Variants in DAB1 observed in about 807,000 individuals in gnomAD.
DAB1 encodes DAB adaptor protein 1, also known as disabled homolog 1.
DAB1 carries 15 observed loss-of-function variants against 64.6 expected under a neutral mutation model. The observed-to-expected ratio is 0.23, with a 90% CI of 0.16 to 0.36. The LOEUF (loss-of-function observed/expected upper bound fraction) is 0.36, where lower values mean the gene tolerates loss of function less well. Among genes scored for constraint, DAB1 ranks in the 10% least tolerant of loss-of-function variants. The pLI is 1.00. For missense variants in DAB1, 596 were observed against 706.7 expected (o/e 0.84, Z 1.78); for synonymous variants, 235 against 251.9 (o/e 0.93, Z 0.64).
chr1:57,604,543 T>C (rs1645613717), intron 7 of DAB1, among the ~76,000 whole-genome samples: 1 of 152,198 alleles, frequency 6.6e-6, no homozygotes. Flanking sequence ...TTGTAGCAGA[T>C]ACTTCTCCGA....
chr1:58,345,270 CT>C (rs1343394932), intron 3 of DAB1, among the ~76,000 whole-genome samples: 1 of 152,182 alleles, frequency 6.6e-6, no homozygotes, highest in Non-Finnish European at 1.5e-5. Flanking sequence ...TCAAAATCAA[CT>C]GCAAGCTCAT....
At chr1:57,132,443 A>G (rs1187071081) in intron 4 of DAB1, among the ~76,000 whole-genome samples, 3 of 152,148 alleles carry the variant, frequency 2.0e-5, no homozygotes, top group African/African-American at 4.8e-5. Flanking sequence ...AGGGCTGCAC[A>G]TGGCATAGAG....
intron 7 of DAB1, among the ~76,000 whole-genome samples, chr1:57,536,810 T>A (rs1353376889): frequency 6.6e-6 from 1 of 151,460 alleles, no homozygotes; most frequent in African/African-American, 2.4e-5. Flanking sequence ...GCCTATTACA[T>A]TGTTCTATCC....
At chr1:57,793,231 G>A (rs1278299875) in intron 6 of DAB1, among the ~76,000 whole-genome samples, 1 of 152,184 alleles carries the variant, frequency 6.6e-6, no homozygotes, top group Non-Finnish European at 1.5e-5. Context: ...CCTAGTTGGG[G>A]AATCCTGGAA....
intron 4 of DAB1, among the ~76,000 whole-genome samples, chr1:58,157,337 A>C (rs564667103): frequency 4.9e-4 from 74 of 152,220 alleles, no homozygotes; most frequent in South Asian, 4.4e-3. Flanking sequence ...GTGCCTTCCT[A>C]AGCGGCTGCC....
chr1:57,275,835 C>T (rs771737398), intron 2 of DAB1, among the ~76,000 whole-genome samples: 11 of 152,178 alleles, frequency 7.2e-5, no homozygotes, highest in Non-Finnish European at 1.5e-4. Flanking sequence ...CCGCAAAACA[C>T]AGAAGATAAA....
chr1:57,810,071 GT>G (rs1399244386), intron 6 of DAB1, among the ~76,000 whole-genome samples: 2 of 152,178 alleles, frequency 1.3e-5, no homozygotes, highest in African/African-American at 2.4e-5. Context: ...TTCCAACTCA[GT>G]TGCCACTGCC....
At chr1:58,384,081 T>C (rs1322443292) in intron 3 of DAB1, among the ~76,000 whole-genome samples, 1 of 152,080 alleles carries the variant, frequency 6.6e-6, no homozygotes, top group Non-Finnish European at 1.5e-5. Flanking sequence ...TAGTAGCCAT[T>C]GAAACTGATG....
chr1:58,028,313 C>T lies in DAB1; in HGVS notation n.387+122198G>A, dbSNP rs1030984657. Among the ~76,000 whole-genome samples the T allele has an allele frequency of 2.6e-5, 4 of 152,208 alleles. No individual in the cohort carries two copies. The South Asian group carries it at 6.2e-4, about 24-fold the overall frequency. On this transcript the variant is annotated intron_variant and non_coding_transcript_variant, in intron 5 of 20. Transcript: ENST00000485760. ...TGTTTTATGTGTTTCTGTTTAAAGA[C>T]ATCTTACTTCATATATTTTGTTGAT...
intron 2 of DAB1, among the ~76,000 whole-genome samples, chr1:57,210,051 A>G (rs1471191996): frequency 6.6e-6 from 1 of 152,250 alleles, no homozygotes; most frequent in Non-Finnish European, 1.5e-5. Flanking sequence ...CCTCATTAAT[A>G]AAATTGAGAT....
At chr1:57,620,014 C>T (rs529325583) in intron 7 of DAB1, among the ~76,000 whole-genome samples, 16 of 152,128 alleles carry the variant, frequency 1.1e-4, no homozygotes, top group Non-Finnish European at 2.4e-4. Context: ...TTTGACACAT[C>T]CCAGAATCCT....
chr1:57,443,214 C>T (rs1468853904), intron 7 of DAB1, among the ~76,000 whole-genome samples: 1 of 152,168 alleles, frequency 6.6e-6, no homozygotes, highest in Non-Finnish European at 1.5e-5. Context: ...TTTAGGGATA[C>T]ATGACTCTGT....
intron 10 of DAB1, 65 bp from the exon 11 acceptor site, chr1:57,023,704 T>C (rs548595294): frequency 5.7e-6 from 6 of 1,061,724 alleles, no homozygotes; most frequent in African/African-American, 4.7e-5. Context: ...GGCTGGGAGG[T>C]AGCAGATGCA....
intron 3 of DAB1, among the ~76,000 whole-genome samples, chr1:58,352,485 C>G (rs1644067260): frequency 6.6e-6 from 1 of 152,122 alleles, no homozygotes; most frequent in African/African-American, 2.4e-5. Context: ...GAGAAAGGGA[C>G]CACCATTTAG....
intron 7 of DAB1, among the ~76,000 whole-genome samples, chr1:57,610,780 C>T (rs1186191572): frequency 6.6e-6 from 1 of 152,162 alleles, no homozygotes; most frequent in Non-Finnish European, 1.5e-5. Context: ...TGAGGGAAAC[C>T]ACCCCCATGA....
At chr1:57,729,001 G>A (rs553693369) in intron 6 of DAB1, among the ~76,000 whole-genome samples, 1 of 152,306 alleles carries the variant, frequency 6.6e-6, no homozygotes, top group South Asian at 2.1e-4. Flanking sequence ...GGTGACTCAT[G>A]TAGTGTTCTC....
chr1:57,577,100 G>T (rs909680974), intron 7 of DAB1, among the ~76,000 whole-genome samples: 2 of 152,226 alleles, frequency 1.3e-5, no homozygotes, highest in African/African-American at 4.8e-5. Flanking sequence ...AGCTGGAAAT[G>T]AGTCTGTAAT....
chr1:58,076,554 G>A (rs1346983567), intron 5 of DAB1, among the ~76,000 whole-genome samples: 6 of 152,236 alleles, frequency 3.9e-5, no homozygotes, highest in Admixed American at 6.5e-5. Flanking sequence ...CTAAAGGATT[G>A]TTGTCACTTA....
chr1:57,011,297 G>A (rs1429707084), intron 12 of DAB1, 25 bp from the exon 13 acceptor site: 3 of 1,607,516 alleles, frequency 1.9e-6, no homozygotes, highest in African/African-American at 1.3e-5. Flanking sequence ...CAGAAAAAGA[G>A]ACATCTTAAG....
Sources: allele counts gnomAD v4.1 joint callset (sites outside exome capture counted in the v4.1 genomes callset), GRCh38; gene constraint gnomAD v4.1.1; transcripts MANE v1.5; gene names NCBI Gene and HGNC (gene_info 2026-07-23, HGNC 2026-07-21).